Variants in NLGN4X observed in about 807,000 individuals in gnomAD.
NLGN4X encodes neuroligin 4 X-linked.
Under a neutral mutation model 40.3 loss-of-function variants are expected in NLGN4X, and 3 were observed. The ratio of observed to expected loss-of-function variants is 0.07; its 90% CI spans 0.03 to 0.19. The LOEUF (loss-of-function observed/expected upper bound fraction) is 0.19. NLGN4X is among the 10% of genes least tolerant of loss of function. The pLI, the probability that NLGN4X is intolerant of heterozygous loss-of-function variation, is 1.00. For synonymous variants in NLGN4X, 270 were observed against 306.8 expected (o/e 0.88, Z 1.25); for missense variants, 382 against 708.3 (o/e 0.54, Z 5.23).
At chrX:6,048,663 C>A (rs112249194) in intron 2 of NLGN4X, among the ~76,000 whole-genome samples, 1 of 111,068 alleles carries the variant, frequency 9.0e-6, no homozygotes, top group Non-Finnish European at 1.9e-5. Context: ...ACTATGCAGC[C>A]ATAAAACAGA....
At chrX:6,083,712 CAG>C (rs1372469102) in intron 2 of NLGN4X, among the ~76,000 whole-genome samples, 9 of 112,304 alleles carry the variant, frequency 8.0e-5, no homozygotes, top group Non-Finnish European at 1.3e-4. Flanking sequence ...TAAAATCCAA[CAG>C]AGTTTGTATC....
chrX:6,057,615 A>G lies in NLGN4X; in HGVS notation c.473-28183T>C, dbSNP rs751894055. On this transcript the variant is annotated intron_variant, in intron 2 of 5. Coordinates refer to ENST00000381095, the MANE Select transcript of NLGN4X (RefSeq NM_181332.3). The stretch of plus-strand genomic sequence containing the variant: ...GAAGAACATTAAAATGCACATGTAT[A>G]TATGTAAGGGTCACAGGTTTTATTA... Among the ~76,000 whole-genome samples, 12 of 112,339 alleles carry G rather than the reference A, an allele frequency of 1.1e-4. No individual in the cohort carries two copies. In the Admixed American group the frequency reaches 1.1e-3, roughly 11 times the overall value.
intron 2 of NLGN4X, among the ~76,000 whole-genome samples, chrX:6,047,419 C>T (rs1157050524): frequency 2.7e-5 from 3 of 111,359 alleles, no homozygotes; most frequent in Non-Finnish European, 5.7e-5. Context: ...AAGGCTGCAG[C>T]GAGCTACGAT....
chrX:6,217,855 G>A (rs1444731598), intron 1 of NLGN4X, among the ~76,000 whole-genome samples: 4 of 111,316 alleles, frequency 3.6e-5, no homozygotes, highest in Non-Finnish European at 5.6e-5. Context: ...CCTTCCTACT[G>A]GGTTACATTT....
At chrX:6,135,800 G>C (rs1022597575) in intron 2 of NLGN4X, among the ~76,000 whole-genome samples, 6 of 111,672 alleles carry the variant, frequency 5.4e-5, no homozygotes, top group African/African-American at 2.0e-4. Context: ...GAAAGCCAAA[G>C]AAGAAACATG....
At chrX:6,089,867 A>G (rs5915643) in intron 2 of NLGN4X, among the ~76,000 whole-genome samples, 52,896 of 110,911 alleles carry the variant, frequency 0.48, 9,156 homozygotes, top group Admixed American at 0.52. Context: ...CAAGCTGAGC[A>G]CCAGCTTCCC....
chrX:6,114,563 C>T (rs1015241956), intron 2 of NLGN4X, among the ~76,000 whole-genome samples: 10 of 108,181 alleles, frequency 9.2e-5, no homozygotes, highest in African/African-American at 3.0e-4. Flanking sequence ...CACACACAAA[C>T]ATGCACACAT....
intron 2 of NLGN4X, among the ~76,000 whole-genome samples, chrX:6,051,527 A>C (rs957875337): frequency 2.7e-5 from 3 of 111,094 alleles, no homozygotes; most frequent in Non-Finnish European, 5.7e-5. Context: ...CAGACATTGA[A>C]GTGACGCTTC....
chrX:6,068,037 C>T (rs1001884023), intron 2 of NLGN4X, among the ~76,000 whole-genome samples: 5 of 111,356 alleles, frequency 4.5e-5, no homozygotes, highest in Non-Finnish European at 9.4e-5. Flanking sequence ...TTGTGTCTAC[C>T]GTATAGTTTT....
chrX:6,077,310 G>GTGTGGT (rs1168394609), intron 2 of NLGN4X, among the ~76,000 whole-genome samples: 2 of 102,546 alleles, frequency 2.0e-5, no homozygotes, highest in South Asian at 4.6e-4. Context: ...GTGTGTGTGT[G>GTGTGGT]GTGTGTGTGT....
intron 3 of NLGN4X, among the ~76,000 whole-genome samples, chrX:5,943,534 C>A (rs1192512537): frequency 8.9e-6 from 1 of 112,033 alleles, no homozygotes; most frequent in Non-Finnish European, 1.9e-5. Context: ...GACATGCAGG[C>A]AGTGTGAATC....
chrX:5,919,034 C>T (rs2032923426), intron 3 of NLGN4X, among the ~76,000 whole-genome samples: 2 of 112,170 alleles, frequency 1.8e-5, no homozygotes, highest in African/African-American at 6.5e-5. Flanking sequence ...ATTTAAATAG[C>T]TGGGGCTAAG....
At chrX:6,074,016 G>C (rs1026616349) in intron 2 of NLGN4X, among the ~76,000 whole-genome samples, 5 of 110,377 alleles carry the variant, frequency 4.5e-5, no homozygotes, top group East Asian at 2.9e-4. Flanking sequence ...ATTTGTCTTT[G>C]TTCTTTAATG....
At chrX:6,209,569 G>C (rs1421143198) in intron 1 of NLGN4X, among the ~76,000 whole-genome samples, 3 of 111,432 alleles carry the variant, frequency 2.7e-5, no homozygotes, top group Non-Finnish European at 3.8e-5. Flanking sequence ...TAAAATATCT[G>C]AGTAAATCAA....
At chrX:6,226,852 C>G (rs1602462827) in intron 1 of NLGN4X, 1 of 121,888 alleles carries the variant, frequency 8.2e-6, no homozygotes, top group Non-Finnish European at 1.7e-5. Context: ...CATCTGCAGC[C>G]GAGCGGCACC....
At position 6,004,879 on chromosome X, in the gene NLGN4X, T is replaced by A. The variant is rs146102757; in HGVS notation, c.625+24401A>T. On this transcript the variant is annotated intron_variant, in intron 3 of 5. Transcript: ENST00000381095. ...TGTAACGTTTCACGTTCCTAAGAAT[T>A]GACAGAATGTTGCTGTTTAGGGATA... 3.8e-3 allele frequency among the ~76,000 whole-genome samples: 428 copies of A among 111,947 alleles called. 4 individuals are homozygous for A. Among genetic ancestry groups the A allele is most frequent in the African/African-American group, 0.013 (409 of 30,877 alleles).
rs916201159 is a variant in NLGN4X, at chrX:6,095,961, T to C, written c.472+55034A>G. Among the ~76,000 whole-genome samples the C allele has an allele frequency of 4.5e-5, 5 of 112,238 alleles. No individual in the cohort carries two copies. The South Asian group carries it at 1.1e-3, about 25-fold the overall frequency. ...TGAATATGGAGGCTGCAATGACCAA[T>C]GGTTTGGAGTATCAGGGCATCTGGA... On this transcript the variant is annotated intron_variant, in intron 2 of 5. Transcript: ENST00000381095.
intron 3 of NLGN4X, among the ~76,000 whole-genome samples, chrX:5,911,665 G>C (rs1229905126): frequency 8.9e-6 from 1 of 111,777 alleles, no homozygotes. Flanking sequence ...TCAACAAGGG[G>C]GAGTGCCTGT....
intron 4 of NLGN4X, among the ~76,000 whole-genome samples, chrX:5,906,193 C>A (rs1386374947): frequency 1.8e-5 from 2 of 111,899 alleles, no homozygotes; most frequent in Non-Finnish European, 3.8e-5. Flanking sequence ...GAGGTATTTT[C>A]AAAAATGCCA....
Sources: allele counts gnomAD v4.1 joint callset (sites outside exome capture counted in the v4.1 genomes callset), GRCh38; gene constraint gnomAD v4.1.1; transcripts MANE v1.5; gene names NCBI Gene and HGNC (gene_info 2026-07-23, HGNC 2026-07-21).